ARMC9: variants seen among roughly 807,000 people sequenced by gnomAD.
ARMC9 encodes the protein lisH domain-containing protein ARMC9.
In ARMC9, 94 loss-of-function variants were observed where a neutral mutation model predicts 107.0. The observed-to-expected ratio is 0.88, with a 90% CI of 0.74 to 1.04. The LOEUF is 1.04. Among genes scored for constraint, ARMC9 ranks in the 50% least tolerant of loss-of-function variants. The pLI is 0.00. For synonymous variants in ARMC9, 380 were observed against 396.9 expected, an observed-to-expected ratio of 0.96 and a Z score of 0.51; for missense variants, 942 against 1,030.1, an observed-to-expected ratio of 0.91 and a Z score of 1.17.
intron 8 of ARMC9, among the ~76,000 whole-genome samples, chr2:231,236,026 A>T (rs1429930315): frequency 6.6e-6 from 1 of 152,138 alleles, no homozygotes; most frequent in African/African-American, 2.4e-5. Context: ...GGCTCAAGTG[A>T]TCCTCCCACC....
At chr2:231,328,683 C>T (rs1417921720) in intron 19 of ARMC9, among the ~76,000 whole-genome samples, 2 of 152,130 alleles carry the variant, frequency 1.3e-5, no homozygotes, top group East Asian at 3.9e-4. Flanking sequence ...TTCCATTGAT[C>T]TATGTGTCTG....
At chr2:231,361,280 C>T (rs2045566820) in intron 23 of ARMC9, among the ~76,000 whole-genome samples, 1 of 151,902 alleles carries the variant, frequency 6.6e-6, no homozygotes, top group Non-Finnish European at 1.5e-5. Context: ...AATGGTTTGG[C>T]TCAGAGGTCA....
rs536000748 is a variant in ARMC9, at chr2:231,355,889, A to G, written c.2086A>G (p.Arg696Gly). 801 of 1,536,138 alleles carry G rather than the reference A, an allele frequency of 5.2e-4. 5 individuals carry two copies. The South Asian group carries it at 6.4e-3, about 12-fold the overall frequency. Residue 696 changes from arginine to glycine, a missense_variant, in exon 22 of 25, where the codon AGG becomes GGG. Transcript: ENST00000611582. ...ALPAAHEAVY[R>G]EGKPSTPESC... ...GCCAGCCGCTCACGAGGCTGTCTAC[A>G]GGGAGGGCAAGCCCAGCACCCCGGA...
intron 7 of ARMC9, among the ~76,000 whole-genome samples, chr2:231,233,389 A>C (rs1243675622): frequency 2.0e-5 from 3 of 152,192 alleles, no homozygotes; most frequent in Non-Finnish European, 2.9e-5. Flanking sequence ...TCTGGGAGTG[A>C]GGCCTGATCA....
At chr2:231,333,893 G>A (rs1230877115) in intron 20 of ARMC9, among the ~76,000 whole-genome samples, 2 of 152,220 alleles carry the variant, frequency 1.3e-5, no homozygotes, top group Non-Finnish European at 2.9e-5. Context: ...ATGCCATGGG[G>A]GAGGATCTTC....
intron 21 of ARMC9, among the ~76,000 whole-genome samples, chr2:231,355,591 T>C (rs1416377177): frequency 6.6e-6 from 1 of 152,216 alleles, no homozygotes; most frequent in Non-Finnish European, 1.5e-5. Context: ...AGAAGGGGGC[T>C]AACAGGAACA....
chr2:231,309,696 AGGCC>A (rs2042229213), intron 19 of ARMC9, among the ~76,000 whole-genome samples: 1 of 151,966 alleles, frequency 6.6e-6, no homozygotes, highest in African/African-American at 2.4e-5. Context: ...GAAGGACAAC[AGGCC>A]ATATACCACT....
chr2:231,235,687 G>C (rs901905477), intron 8 of ARMC9, among the ~76,000 whole-genome samples: 14 of 152,176 alleles, frequency 9.2e-5, no homozygotes, highest in African/African-American at 3.4e-4. Flanking sequence ...TTGTTGCCCA[G>C]GTTGGAGTGC....
intron 23 of ARMC9, among the ~76,000 whole-genome samples, chr2:231,361,607 CT>C (rs1373411273): frequency 3.3e-5 from 5 of 152,076 alleles, no homozygotes; most frequent in Non-Finnish European, 7.4e-5. Context: ...CCTTTCCAAT[CT>C]CGCCAGCTCT....
chr2:231,334,228 C>T (rs2043932194), intron 20 of ARMC9, among the ~76,000 whole-genome samples: 1 of 152,200 alleles, frequency 6.6e-6, no homozygotes, highest in African/African-American at 2.4e-5. Context: ...AGTAACAAAG[C>T]ACCACTAACT....
chr2:231,289,822 C>A (rs2125468595), intron 17 of ARMC9, among the ~76,000 whole-genome samples: 1 of 152,318 alleles, frequency 6.6e-6, no homozygotes, highest in East Asian at 1.9e-4. Context: ...CTCAGTGTTA[C>A]TGTTCCCTAA....
intron 9 of ARMC9, among the ~76,000 whole-genome samples, chr2:231,249,695 G>A (rs1472905848): frequency 6.6e-6 from 1 of 152,180 alleles, no homozygotes; most frequent in African/African-American, 2.4e-5. Context: ...AGTGCTCAGT[G>A]AATAATTGAT....
chr2:231,250,468 G>A (rs1026849241), intron 9 of ARMC9, among the ~76,000 whole-genome samples: 1 of 152,202 alleles, frequency 6.6e-6, no homozygotes, highest in Non-Finnish European at 1.5e-5. Context: ...AGAGGGAAAG[G>A]AAACATGGCT....
intron 20 of ARMC9, among the ~76,000 whole-genome samples, chr2:231,339,925 C>T (rs932930252): frequency 3.9e-5 from 6 of 152,202 alleles, no homozygotes; most frequent in African/African-American, 1.4e-4. Flanking sequence ...AAGAGTGAAA[C>T]TCTGTCTCAA....
chr2:231,303,136 A>G (rs942310722), intron 19 of ARMC9, among the ~76,000 whole-genome samples: 6 of 152,250 alleles, frequency 3.9e-5, no homozygotes, highest in African/African-American at 1.4e-4. Flanking sequence ...TAGAAATACA[A>G]TTGATTTTAG....
At chr2:231,230,713 A>G (rs2035129797) in intron 7 of ARMC9, among the ~76,000 whole-genome samples, 1 of 152,240 alleles carries the variant, frequency 6.6e-6, no homozygotes, top group Non-Finnish European at 1.5e-5. Context: ...ACCTACACAC[A>G]TCTTCCCATA....
At chr2:231,315,981 A>G (rs1317771726) in intron 19 of ARMC9, among the ~76,000 whole-genome samples, 1 of 152,218 alleles carries the variant, frequency 6.6e-6, no homozygotes, top group African/African-American at 2.4e-5. Flanking sequence ...CACTTGTCAC[A>G]AACTACTTTG....
chr2:231,370,623 C>T (rs901033155), intron 24 of ARMC9: 5 of 157,804 alleles, frequency 3.2e-5, no homozygotes, highest in South Asian at 1.9e-4. Flanking sequence ...ATGGAGGGGC[C>T]GCCAGAAGGG....
intron 4 of ARMC9, chr2:231,215,213 C>A: frequency 1.8e-6 from 1 of 546,668 alleles, no homozygotes; most frequent in Non-Finnish European, 3.0e-6. Context: ...TTTCTGTAAT[C>A]AAAGCTATAT....
Sources: allele counts gnomAD v4.1 joint callset (sites outside exome capture counted in the v4.1 genomes callset), GRCh38; gene constraint gnomAD v4.1.1; transcripts MANE v1.5; gene names NCBI Gene and HGNC (gene_info 2026-07-23, HGNC 2026-07-21).